The following KNOP1 variants were observed in gnomAD, a reference collection of about 807,000 sequenced individuals.
The protein encoded by KNOP1 is lysine-rich nucleolar protein 1.
Under a neutral mutation model 30.6 loss-of-function variants are expected in KNOP1, and 20 were observed. The observed-to-expected ratio is 0.65, with a 90% CI of 0.46 to 0.95. KNOP1 has a LOEUF of 0.95. Ranked by LOEUF, KNOP1 falls within the 40% of genes least tolerant of loss-of-function variation. The pLI is 0.00. For synonymous variants in KNOP1, 204 were observed against 210.0 expected (o/e 0.97, Z 0.25); for missense variants, 540 against 562.0 (o/e 0.96, Z 0.40).
rs765683713 is a variant in KNOP1, at chr16:19,714,875, G to A, written c.161C>T (p.Ala54Val). 1 of 1,613,734 alleles carries A rather than the reference G, an allele frequency of 6.2e-7. No homozygotes were observed. Among genetic ancestry groups the A allele is most frequent in the Admixed American group, 1.7e-5 (1 of 59,900 alleles). Residue 54 changes from alanine to valine, a missense_variant, in exon 2 of 5, where the codon GCC (alanine) becomes GTC (valine). Coordinates refer to ENST00000219837, the MANE Select transcript of KNOP1 (RefSeq NM_001012991.3). ...AGGCATCTCAGGTGCCTGCCCATGG[G>A]CCACACTCTTAGAGGGGGATGTAGC... The part of the protein sequence containing the change: ...LRATSPSKSV[A>V]HGQAPEMPLV...
In KNOP1 at chr16:19,707,011, A is replaced by C. The variant is rs200976200; in HGVS notation, c.1276T>G (p.Trp426Gly). 2,416 of 1,614,142 alleles carry C rather than the reference A, an allele frequency of 1.5e-3. 6 individuals carry two copies. Among genetic ancestry groups the C allele is most frequent in the Non-Finnish European group, 1.9e-3 (2,189 of 1,180,036 alleles). The change falls in exon 5 of 5, where the codon TGG becomes GGG. Residue 426 changes from tryptophan to glycine, a missense_variant. By Grantham distance (184) the Trp-to-Gly change is radical. Coordinates refer to ENST00000219837, the MANE Select transcript of KNOP1 (RefSeq NM_001012991.3). Reference protein sequence around the residue: ...LQRDYDRAMSWKYSRGAGLGF... With the variant: ...LQRDYDRAMSGKYSRGAGLGF... ...AGGCCGGCTCCCCGGCTGTACTTCC[A>C]GCTCATGGCCCGGTCGTAGTCCCGC...
intron 1 of KNOP1, chr16:19,717,556 C>A (rs1341164589): frequency 6.1e-6 from 6 of 985,318 alleles, no homozygotes; most frequent in Non-Finnish European, 6.0e-6. Flanking sequence ...CCATCTCTTG[C>A]CATTTAGAAA....
intron 3 of KNOP1, among the ~76,000 whole-genome samples, 162 bp downstream of exon 3, chr16:19,711,210 A>G (rs902437391): frequency 5.3e-5 from 8 of 152,206 alleles, no homozygotes; most frequent in Non-Finnish European, 1.2e-4. Flanking sequence ...GAAAGCACGC[A>G]TTCCCGGCCC....
rs28424569 is a variant in KNOP1 at position 19,714,209 on chromosome 16, A to G, written c.827T>C (p.Val276Ala). Residue 276 changes from valine to alanine, a missense_variant, in exon 2 of 5, where the codon GTA becomes GCA. Val to Ala is a moderately conservative substitution (Grantham distance 64, BLOSUM62 0). Transcript: ENST00000219837. ...TGGCTCCTCGATGACTGGCTGCTCT[A>G]CCTTCTTTTTGGACTTCATCTTTTT... ...AKKKMKSKKK[V>A]EQPVIEEPAL... 5,763 of 1,613,708 alleles carry G rather than the reference A, an allele frequency of 3.6e-3. 156 individuals are homozygous for G. The African/African-American group carries it at 0.067, about 19-fold the overall frequency.
chr16:19,705,016 C>T lies in KNOP1; in HGVS notation c.*1894G>A, dbSNP rs763642621. On this transcript the variant is annotated 3_prime_UTR_variant, in exon 5 of 5. Transcript: ENST00000219837. ...ATCACCAGCCTTCCCATGACAGGGG[C>T]GGGTGCAGCTATGGGCAGATGACTC... is the stretch of plus-strand genomic sequence containing the variant. 1.4e-5 allele frequency: 5 copies of T among 361,178 alleles called. No individual in the cohort carries two copies. The highest frequency in any genetic ancestry group is 7.6e-5 in the East Asian group (1 of 13,076). The allele number at this position is 361,178 out of a possible 1,614,324, so 22.4% of individuals were successfully genotyped here. A position where few individuals can be genotyped will look rare whatever the true frequency, so the allele number is the denominator to read the frequency against.
At chr16:19,708,899 G>A (rs1404568725) in intron 4 of KNOP1, among the ~76,000 whole-genome samples, 1 of 152,084 alleles carries the variant, frequency 6.6e-6, no homozygotes, top group Non-Finnish European at 1.5e-5. Context: ...ACTTCCAACG[G>A]CTGCTGCCCA....
intron 4 of KNOP1, among the ~76,000 whole-genome samples, chr16:19,707,520 C>G (rs993292674): frequency 6.6e-6 from 1 of 152,008 alleles, no homozygotes; most frequent in Non-Finnish European, 1.5e-5. Flanking sequence ...CACTGCCCAC[C>G]TCTGCACAGA....
rs1012070709 is a variant in KNOP1 at position 19,717,909 on chromosome 16, G to A, written c.-3+249C>T. ...CAGGAAGTAAGATCCGTACCTCCAA[G>A]GCTCCCATGGGCCCAAGCCTCCGCA... On this transcript the variant is annotated intron_variant, in intron 1 of 4. Transcript: ENST00000219837. The A allele has an allele frequency of 1.6e-5, 18 of 1,093,274 alleles. No individual in the cohort carries two copies. In the African/African-American group the frequency reaches 2.5e-4, roughly 15 times the overall value. The allele number at this position is 1,093,274 out of a possible 1,614,324, so 67.7% of individuals were successfully genotyped here.
In KNOP1 at chr16:19,706,922, C is replaced by T. The variant is rs557661262; in HGVS notation, c.1365G>A (p.Lys455=). 6.8e-6 allele frequency: 11 copies of T among 1,612,314 alleles called. No homozygotes were observed. The Admixed American group carries it at 1.2e-4, about 17-fold the overall frequency. The part of the protein sequence containing the change: ...YIDRNASKSV[K]LED ...AAAACTCTAGAGTTTAATCTTCCAG[C>T]TTGACTGACTTGGAAGCGTTCCTGT... The change falls in exon 5 of 5, where the codon AAG becomes AAA. Residue 455 remains lysine (K), a synonymous_variant. Transcript: ENST00000219837.
rs368422228 is a variant in KNOP1 at position 19,714,680 on chromosome 16, G to A, written c.356C>T (p.Ser119Leu). ...FLSGEKKNKK[S>L]PLAMSHASGV... The stretch of plus-strand genomic sequence containing the variant: ...AGAGGCATGGGACATGGCTAGAGGT[G>A]ACTTCTTATTTTTCTTTTCCCCACT... The change falls in exon 2 of 5, where the codon TCA becomes TTA. Residue 119 changes from serine (S) to leucine (L), a missense_variant. By Grantham distance (145) the Ser-to-Leu change is moderately radical. Transcript: ENST00000219837. The A allele has an allele frequency of 6.2e-7, 1 of 1,613,986 alleles. No individual in the cohort carries two copies. Among genetic ancestry groups the A allele is most frequent in the Non-Finnish European group, 8.5e-7 (1 of 1,180,026 alleles).
Position 19,703,849 on chromosome 16 carries a change from G to A in KNOP1, c.*3061C>T, listed in dbSNP as rs1976257347. The A allele has an allele frequency of 6.6e-6, 1 of 152,168 alleles. No homozygotes were observed. Among genetic ancestry groups the A allele is most frequent in the African/African-American group, 2.4e-5 (1 of 41,412 alleles). The allele number at this position is 152,168 out of a possible 1,614,324, so 9.4% of individuals were successfully genotyped here. On this transcript the variant is annotated 3_prime_UTR_variant, in exon 5 of 5. Transcript: ENST00000219837. ...TCTTGGCTGCCCAACCTCCACTGGTGAGACGTAAAGTTCTTATGTATATAG... is the reference window on the plus strand; with the variant it reads ...TCTTGGCTGCCCAACCTCCACTGGTAAGACGTAAAGTTCTTATGTATATAG...
intron 2 of KNOP1, among the ~76,000 whole-genome samples, chr16:19,713,875 G>A (rs539829118): frequency 1.3e-5 from 2 of 152,280 alleles, no homozygotes; most frequent in South Asian, 4.1e-4. Flanking sequence ...AAGGATACCT[G>A]CAATTATCGA....
chr16:19,709,723 C>A (rs999883836), intron 4 of KNOP1, among the ~76,000 whole-genome samples: 3 of 152,194 alleles, frequency 2.0e-5, no homozygotes, highest in Non-Finnish European at 4.4e-5. Context: ...AGGGCTGGGG[C>A]CTCTGCACCC....
intron 1 of KNOP1, among the ~76,000 whole-genome samples, chr16:19,716,231 C>G (rs1321222056): frequency 1.3e-5 from 2 of 152,136 alleles, no homozygotes; most frequent in African/African-American, 2.4e-5. Flanking sequence ...AGCAGGTGCT[C>G]AATACATACT....
chr16:19,713,784 A>C (rs1231268856), intron 2 of KNOP1, among the ~76,000 whole-genome samples: 1 of 152,208 alleles, frequency 6.6e-6, no homozygotes, highest in Non-Finnish European at 1.5e-5. Context: ...TTCAGAAAGC[A>C]AGGGATTCAT....
intron 3 of KNOP1, among the ~76,000 whole-genome samples, chr16:19,710,828 T>C (rs1240040612): frequency 6.8e-6 from 1 of 146,672 alleles, no homozygotes; most frequent in Non-Finnish European, 1.5e-5. Context: ...TGAATTTTCC[T>C]AGAAACTGAG....
At chr16:19,716,360 A>C (rs1156890651) in intron 1 of KNOP1, 2 of 152,352 alleles carry the variant, frequency 1.3e-5, no homozygotes, top group Non-Finnish European at 2.9e-5. Flanking sequence ...AGGTGATAAA[A>C]GCAAGGACAG....
chr16:19,714,046 C>T (rs183024943), intron 2 of KNOP1, 72 bp downstream of exon 2: 203 of 1,332,622 alleles, frequency 1.5e-4, no homozygotes, highest in South Asian at 1.3e-3. Context: ...CATGCACACA[C>T]GCCTACACAC....
rs539005607 is a variant in KNOP1 at position 19,710,366 on chromosome 16, G to A, written c.1065+143C>T. On this transcript the variant is annotated intron_variant, in intron 4 of 4. Coordinates refer to ENST00000219837, the MANE Select transcript of KNOP1 (RefSeq NM_001012991.3). ...TTAGCTCAGGACAAATTCTGCTGTGGAGGGAGCCTGCTGCAGGCTAGGGCT... is the reference window on the plus strand; with the variant it reads ...TTAGCTCAGGACAAATTCTGCTGTGAAGGGAGCCTGCTGCAGGCTAGGGCT... 1.5e-5 allele frequency: 12 copies of A among 796,844 alleles called. No individual in the cohort carries two copies. In the African/African-American group the frequency reaches 2.0e-4, roughly 13 times the overall value. 49.4% of individuals were successfully genotyped at this position (796,844 alleles called of 1,614,324 possible).
Sources: gnomAD v4.1 joint callset for allele counts (sites outside exome capture counted in the v4.1 genomes callset) on GRCh38, gnomAD v4.1.1 for gene constraint, MANE v1.5 for transcripts, NCBI Gene and HGNC (gene_info 2026-07-23, HGNC 2026-07-21) for gene names.